KIF21A: variants seen among roughly 807,000 people sequenced by gnomAD.
KIF21A encodes kinesin-like protein KIF21A.
Under a neutral mutation model 202.9 loss-of-function variants are expected in KIF21A, and 114 were observed. That is an observed-to-expected ratio of 0.56 (90% confidence interval 0.48 to 0.66). The LOEUF is 0.66. Among genes scored for constraint, KIF21A ranks in the 30% least tolerant of loss-of-function variants. KIF21A has a pLI of 0.00. For synonymous variants in KIF21A, 667 were observed against 670.8 expected (o/e 0.99, Z 0.09); for missense variants, 1,677 against 1,994.9 (o/e 0.84, Z 3.04).
chr12:39,356,980 C>T, intron 9 of KIF21A, 85 bp from the exon 10 acceptor site: 2 of 750,440 alleles, frequency 2.7e-6, no homozygotes, highest in South Asian at 3.2e-5. Flanking sequence ...GGAAACAAAA[C>T]AATAATTTTT....
rs529856170 is a variant in KIF21A at position 39,293,708 on chromosome 12, A to C, written c.*716T>G. On this transcript the variant is annotated 3_prime_UTR_variant, in exon 38 of 38. Transcript: ENST00000361418. ...TGTTAGGACATCAACAATGTTTCCC[A>C]TCACAGAATATATGCACAGCACTGG... 9 of 152,222 alleles carry C rather than the reference A, an allele frequency of 5.9e-5. No individual in the cohort carries two copies. Among genetic ancestry groups the C allele is most frequent in the African/African-American group, 1.9e-4 (8 of 41,278 alleles). The allele number at this position is 152,222 out of a possible 1,614,324, so 9.4% of individuals were successfully genotyped here.
chr12:39,383,993 G>A lies in KIF21A; in HGVS notation c.45-13732C>T, dbSNP rs573203988. The stretch of plus-strand genomic sequence containing the variant: ...TCTGCATTTCTAATACATTTCAGGT[G>A]ATGATGCTGATGCTGAATTCTGAGT... On this transcript the variant is annotated intron_variant, in intron 1 of 37. Coordinates refer to ENST00000361418, the MANE Select transcript of KIF21A (RefSeq NM_001173464.2). Among the ~76,000 whole-genome samples the A allele has an allele frequency of 6.6e-5, 10 of 152,192 alleles. 1 individual carries two copies. The South Asian group carries it at 2.1e-3, about 32-fold the overall frequency.
rs748966918 is a variant in KIF21A, at chr12:39,332,702, A to AAT, written c.2743_2744dup (p.Ser916PhefsTer7). On this transcript the variant is annotated frameshift_variant, in exon 20 of 38. Transcript: ENST00000361418. LOFTEE classifies it high-confidence loss of function. ...GCCACTTCATGCGAGCTGTCTTGGA[A>AAT]ATAAACACTCGGCCAGTCAATCCTT... 1.2e-6 allele frequency: 2 copies of AAT among 1,613,982 alleles called. No individual in the cohort carries two copies. The highest frequency in any genetic ancestry group is 8.5e-7 in the Non-Finnish European group (1 of 1,180,038).
At chr12:39,426,227 T>C (rs1954735167) in intron 1 of KIF21A, among the ~76,000 whole-genome samples, 1 of 152,240 alleles carries the variant, frequency 6.6e-6, no homozygotes, top group Non-Finnish European at 1.5e-5. Flanking sequence ...AAAAGCTTTC[T>C]ACCTCACTAA....
chr12:39,321,714 A>T (rs1423688292), intron 27 of KIF21A: 2 of 152,240 alleles, frequency 1.3e-5, no homozygotes, highest in Admixed American at 1.3e-4. Flanking sequence ...TGGCTATTCA[A>T]GTTTGGAAAG....
chr12:39,403,083 C>A (rs2139890993), intron 1 of KIF21A, among the ~76,000 whole-genome samples: 2 of 152,160 alleles, frequency 1.3e-5, no homozygotes, highest in South Asian at 4.2e-4. Flanking sequence ...CAGTAATGAA[C>A]CTTTCCCACT....
chr12:39,325,965 TCAA>T (rs1465527852), intron 25 of KIF21A, 72 bp from the exon 26 acceptor site: 3 of 1,177,960 alleles, frequency 2.5e-6, no homozygotes, highest in African/African-American at 3.1e-5. Flanking sequence ...CTCCTCTATA[TCAA>T]CGACTACAAA....
intron 2 of KIF21A, 59 bp downstream of exon 2, chr12:39,369,980 G>C: frequency 4.4e-6 from 7 of 1,583,760 alleles, no homozygotes; most frequent in Non-Finnish European, 6.1e-6. Flanking sequence ...AAATGAAAGC[G>C]CAACTGAATT....
intron 27 of KIF21A, among the ~76,000 whole-genome samples, chr12:39,320,930 G>A (rs1186638148): frequency 4.3e-5 from 2 of 46,288 alleles, no homozygotes; most frequent in African/African-American, 1.2e-4. Flanking sequence ...GCAAGACTCT[G>A]CCAAAAAAAA....
chr12:39,436,881 A>T (rs1178629057), intron 1 of KIF21A, among the ~76,000 whole-genome samples: 1 of 152,198 alleles, frequency 6.6e-6, no homozygotes, highest in Non-Finnish European at 1.5e-5. Context: ...AAATAACAAC[A>T]ACTTTGTTTT....
At chr12:39,383,833 A>C (rs1950773494) in intron 1 of KIF21A, among the ~76,000 whole-genome samples, 1 of 152,152 alleles carries the variant, frequency 6.6e-6, no homozygotes, top group Non-Finnish European at 1.5e-5. Context: ...TTAAAAATAT[A>C]TATTATTAAA....
chr12:39,369,474 G>A (rs986949907), intron 3 of KIF21A, among the ~76,000 whole-genome samples: 1 of 152,008 alleles, frequency 6.6e-6, no homozygotes, highest in African/African-American at 2.4e-5. Context: ...AAAAATGGGG[G>A]GGGTTCTTAA....
intron 1 of KIF21A, among the ~76,000 whole-genome samples, chr12:39,422,220 C>A (rs1157225061): frequency 6.6e-6 from 1 of 152,016 alleles, no homozygotes; most frequent in Non-Finnish European, 1.5e-5. Flanking sequence ...TGTGGCCTCT[C>A]AAAGTGCTAC....
rs763602499 is a variant in KIF21A at position 39,315,965 on chromosome 12, T to A, written c.3914A>T (p.Asp1305Val). 6.2e-6 allele frequency: 10 copies of A among 1,601,120 alleles called. No homozygotes were observed. The highest frequency in any genetic ancestry group is 8.6e-6 in the Non-Finnish European group (10 of 1,168,548). The change falls in exon 30 of 38, where the codon GAT becomes GTT. Residue 1305 changes from aspartate (D) to valine (V), a missense_variant. Coordinates refer to ENST00000361418, the MANE Select transcript of KIF21A (RefSeq NM_001173464.2). ...CTCCGAGAGAGAGGAGTCACTTTCA[T>A]CAGACCTATAGTGAAAGAGTTAGAA... ...GNTSVQQDKS[D>V]ESDSSLSEVH... is the part of the protein sequence containing the mutation.
Position 39,345,482 on chromosome 12 carries a change from T to C in KIF21A, c.1712+984A>G, listed in dbSNP as rs1947818752. ...TAAGTATAAAAACTTTAGAATACTA[T>C]ATAACATACTAAATATAATTATAAA... On this transcript the variant is annotated intron_variant, in intron 12 of 37. Transcript: ENST00000361418. 2.0e-5 allele frequency among the ~76,000 whole-genome samples: 3 copies of C among 151,810 alleles called. No individual in the cohort carries two copies. The South Asian group carries it at 6.2e-4, about 31-fold the overall frequency.
At chr12:39,430,424 G>C (rs1363695492) in intron 1 of KIF21A, among the ~76,000 whole-genome samples, 1 of 151,656 alleles carries the variant, frequency 6.6e-6, no homozygotes, top group Non-Finnish European at 1.5e-5. Flanking sequence ...AAATTAGCCG[G>C]GCTTGGTGGC....
At chr12:39,346,354 A>T (rs1469584582) in intron 12 of KIF21A, 112 bp downstream of exon 12, 3 of 570,140 alleles carry the variant, frequency 5.3e-6, no homozygotes, top group Non-Finnish European at 7.9e-6. Flanking sequence ...TTTTAGGAGC[A>T]GCCCAGCTTA....
intron 1 of KIF21A, among the ~76,000 whole-genome samples, chr12:39,401,646 A>C (rs971121586): frequency 4.6e-5 from 7 of 152,186 alleles, no homozygotes; most frequent in African/African-American, 1.7e-4. Flanking sequence ...ACGCTTGGCT[A>C]AGTACCAAAA....
intron 1 of KIF21A, among the ~76,000 whole-genome samples, chr12:39,389,013 T>C (rs941109265): frequency 6.6e-6 from 1 of 152,176 alleles, no homozygotes; most frequent in African/African-American, 2.4e-5. Flanking sequence ...AATATGTAAA[T>C]TTTGTATTAG....
Sources: gnomAD v4.1 joint callset for allele counts (sites outside exome capture counted in the v4.1 genomes callset) on GRCh38, gnomAD v4.1.1 for gene constraint, MANE v1.5 for transcripts, NCBI Gene and HGNC (gene_info 2026-07-23, HGNC 2026-07-21) for gene names.